Variants in XKR6 observed in about 807,000 individuals in gnomAD.
XKR6 encodes XK-related protein 6.
XKR6 carries 22 observed loss-of-function variants against 56.7 expected under a neutral mutation model. The observed-to-expected ratio is 0.39, with a 90% CI of 0.28 to 0.55. XKR6 has a LOEUF of 0.55. Among genes scored for constraint, XKR6 ranks in the 20% least tolerant of loss-of-function variants. The probability of loss-of-function intolerance (pLI) is 0.66; values close to 1 mark genes in which losing one functional copy is unlikely to be tolerated. For synonymous variants in XKR6, 524 were observed against 387.8 expected, an observed-to-expected ratio of 1.35 and a Z score of -4.13; for missense variants, 852 against 889.0, an observed-to-expected ratio of 0.96 and a Z score of 0.53.
At chr8:11,106,570 C>G (rs1359193589) in intron 1 of XKR6, 1 of 152,396 alleles carries the variant, frequency 6.6e-6, no homozygotes, top group Admixed American at 6.5e-5. Flanking sequence ...CAATGCTGGC[C>G]GGGCGCGGTG....
chr8:11,016,328 T>C (rs942719810), intron 1 of XKR6, among the ~76,000 whole-genome samples: 2 of 152,090 alleles, frequency 1.3e-5, no homozygotes, highest in Non-Finnish European at 1.5e-5. Flanking sequence ...GCGCGACGGC[T>C]GCGGGCGACT....
intron 1 of XKR6, among the ~76,000 whole-genome samples, chr8:11,003,434 C>G (rs1048858592): frequency 6.6e-6 from 1 of 152,086 alleles, no homozygotes; most frequent in Non-Finnish European, 1.5e-5. Context: ...AACATCATCA[C>G]CATCACCACA....
intron 2 of XKR6, among the ~76,000 whole-genome samples, chr8:10,900,407 G>C (rs560230709): frequency 2.0e-4 from 30 of 152,138 alleles, no homozygotes; most frequent in African/African-American, 6.8e-4. Flanking sequence ...CTGGCTCTGC[G>C]TCACCCGTCT....
In XKR6 at chr8:10,924,756, A is replaced by G. The variant is rs771698739; in HGVS notation, c.839T>C (p.Met280Thr). The G allele has an allele frequency of 6.2e-7, 1 of 1,614,026 alleles. No homozygotes were observed. Residue 280 changes from methionine (M) to threonine (T), a missense_variant, in exon 2 of 3, where the codon ATG (methionine) becomes ACG (threonine). Met to Thr is a moderately conservative substitution (Grantham distance 81). Transcript: ENST00000416569. ...GTTGACGTCTGCATATTCATACATC[A>G]TAGCCCAGTAGAAGCGTCGCTGGTG... ...KEHQRRFYWA[M>T]MYEYADVNML...
chr8:10,970,170 C>T (rs943437564), intron 1 of XKR6, among the ~76,000 whole-genome samples: 1 of 152,336 alleles, frequency 6.6e-6, no homozygotes, highest in Non-Finnish European at 1.5e-5. Context: ...TGCATCACCA[C>T]ACCTTTGCAT....
chr8:11,197,459 T>C (rs1255104480), intron 1 of XKR6, among the ~76,000 whole-genome samples: 1 of 152,174 alleles, frequency 6.6e-6, no homozygotes, highest in Non-Finnish European at 1.5e-5. Flanking sequence ...AAGAAAATGC[T>C]CTCACTCTCT....
chr8:11,144,827 C>G (rs1224801725), intron 1 of XKR6, among the ~76,000 whole-genome samples: 1 of 147,016 alleles, frequency 6.8e-6, no homozygotes, highest in Non-Finnish European at 1.5e-5. Flanking sequence ...TAAACAAAGA[C>G]AGCTCAGTTT....
intron 1 of XKR6, chr8:11,035,310 C>G (rs761875769): frequency 1.9e-6 from 1 of 534,704 alleles, no homozygotes; most frequent in Non-Finnish European, 3.8e-6. Flanking sequence ...AGCCATCTTC[C>G]TGCGTTGTGG....
intron 1 of XKR6, among the ~76,000 whole-genome samples, chr8:11,134,949 T>C (rs1008305247): frequency 6.6e-6 from 1 of 152,116 alleles, no homozygotes; most frequent in African/African-American, 2.4e-5. Context: ...TATACTCTGC[T>C]GAAGTAAAAA....
intron 1 of XKR6, among the ~76,000 whole-genome samples, chr8:11,191,401 G>A (rs1390038070): frequency 2.0e-5 from 3 of 152,112 alleles, no homozygotes; most frequent in African/African-American, 7.2e-5. Context: ...GATTGCCAAG[G>A]GAAAAACTAC....
At chr8:11,126,741 A>G (rs563299625) in intron 1 of XKR6, among the ~76,000 whole-genome samples, 22 of 152,304 alleles carry the variant, frequency 1.4e-4, no homozygotes, top group African/African-American at 4.6e-4. Context: ...CCATTGGACT[A>G]AAACCAAAAT....
At chr8:11,159,483 G>A (rs941710098) in intron 1 of XKR6, among the ~76,000 whole-genome samples, 6 of 152,192 alleles carry the variant, frequency 3.9e-5, no homozygotes, top group Non-Finnish European at 8.8e-5. Context: ...GCTAACAGAC[G>A]CTGCTTCTGT....
At chr8:11,084,542 G>A (rs1229022079) in intron 1 of XKR6, among the ~76,000 whole-genome samples, 9 of 152,112 alleles carry the variant, frequency 5.9e-5, no homozygotes. Context: ...TATTTACATA[G>A]CACCTACCGC....
rs777465131 is a variant in XKR6, at chr8:11,201,795, G to C, written c.-456C>G. Among the ~76,000 whole-genome samples the C allele has an allele frequency of 6.6e-6, 1 of 152,052 alleles. No homozygotes were observed. Among genetic ancestry groups the C allele is most frequent in the Admixed American group, 6.5e-5 (1 of 15,274 alleles). ...TTTTGGGGTCCCCTTCCTCAGCGTC[G>C]CAGCTCACAGCTTTCCTCCTGGAGA... On this transcript the variant is annotated 5_prime_UTR_variant, in exon 1 of 3. Transcript: ENST00000416569.
intron 1 of XKR6, among the ~76,000 whole-genome samples, chr8:11,066,508 T>C (rs936597412): frequency 6.6e-6 from 1 of 152,236 alleles, no homozygotes; most frequent in African/African-American, 2.4e-5. Flanking sequence ...TTAACCACTC[T>C]GAGCCTTGGT....
intron 1 of XKR6, among the ~76,000 whole-genome samples, chr8:11,089,887 C>A (rs1248392051): frequency 6.6e-6 from 1 of 152,064 alleles, no homozygotes. Context: ...TAGATATATA[C>A]TTATTCATAT....
chr8:11,153,437 T>C (rs1341355789), intron 1 of XKR6, among the ~76,000 whole-genome samples: 1 of 152,242 alleles, frequency 6.6e-6, no homozygotes, highest in African/African-American at 2.4e-5. Context: ...TTTTTGGAAA[T>C]AATTAAAAAT....
chr8:11,037,425 A>G lies in XKR6; in HGVS notation c.765-112595T>C, dbSNP rs1221848783. Among the ~76,000 whole-genome samples the G allele has an allele frequency of 3.3e-5, 5 of 152,154 alleles. No homozygotes were observed. The East Asian group carries it at 5.8e-4, about 18-fold the overall frequency. On this transcript the variant is annotated intron_variant, in intron 1 of 2. Transcript: ENST00000416569. ...ATTTTTGTAGAGACTGGGCTGTGCC[A>G]TGTTGTCCAGGCTGGTCTCCAATTC...
At chr8:10,907,048 G>GA (rs150497159) in intron 2 of XKR6, among the ~76,000 whole-genome samples, 45 of 145,392 alleles carry the variant, frequency 3.1e-4, no homozygotes, top group African/African-American at 6.1e-4. Flanking sequence ...CTCCATCTCA[G>GA]AAAAAAAAAA....
Sources: allele counts gnomAD v4.1 joint callset (sites outside exome capture counted in the v4.1 genomes callset), GRCh38; gene constraint gnomAD v4.1.1; transcripts MANE v1.5; gene names NCBI Gene and HGNC (gene_info 2026-07-23, HGNC 2026-07-21).